DCAF8L2: variants seen among roughly 807,000 people sequenced by gnomAD.
DCAF8L2 encodes the protein DDB1- and CUL4-associated factor 8-like protein 2.
For synonymous variants in DCAF8L2, 200 were observed against 190.9 expected (o/e 1.05, Z -0.39); for missense variants, 430 against 490.7 (o/e 0.88, Z 1.17).
chrX:27,642,240 G>A (rs1279691572), intron 2 of DCAF8L2, among the ~76,000 whole-genome samples: 1 of 110,533 alleles, frequency 9.0e-6, no homozygotes, highest in Non-Finnish European at 1.9e-5. Context: ...TTCCTCCGAG[G>A]TTTGATCCTT....
At chrX:27,505,300 A>G in the DCAF8L2 span, among the ~76,000 whole-genome samples, 1 of 111,005 alleles carries the variant, frequency 9.0e-6, no homozygotes, top group Middle Eastern at 4.3e-3. Flanking sequence ...CCAATACAGA[A>G]CATATAAAAC....
At chrX:27,693,562 T>C (rs935371565) in intron 3 of DCAF8L2, among the ~76,000 whole-genome samples, 1 of 111,526 alleles carries the variant, frequency 9.0e-6, no homozygotes, top group African/African-American at 3.3e-5. Context: ...TTTTATCATA[T>C]TTTTAATAAT....
the DCAF8L2 span, among the ~76,000 whole-genome samples, chrX:27,478,749 C>T: frequency 1.8e-5 from 2 of 111,806 alleles, no homozygotes; most frequent in East Asian, 5.6e-4. Flanking sequence ...TTTTTGTTTT[C>T]TGATGAAGAG....
At chrX:27,676,190 G>T (rs145948641) in intron 2 of DCAF8L2, among the ~76,000 whole-genome samples, 2,608 of 110,954 alleles carry the variant, frequency 0.024, 39 homozygotes, top group Non-Finnish European at 0.034. Flanking sequence ...CTTTGTAGGC[G>T]TCTCATAGTA....
upstream of DCAF8L2, among the ~76,000 whole-genome samples, chrX:27,587,706 C>T (rs1007388598): frequency 7.2e-5 from 8 of 110,537 alleles, no homozygotes; most frequent in African/African-American, 2.6e-4. Flanking sequence ...AACTGACTTC[C>T]CCAAAGGGAC....
intron 2 of DCAF8L2, among the ~76,000 whole-genome samples, chrX:27,673,523 AAAG>A (rs1380650403): frequency 1.9e-5 from 2 of 107,546 alleles, no homozygotes; most frequent in African/African-American, 3.4e-5. Context: ...AAAAAAAAAA[AAAG>A]ATTTGGGGTT....
At chrX:27,556,888 G>C in the DCAF8L2 span, among the ~76,000 whole-genome samples, 1 of 112,021 alleles carries the variant, frequency 8.9e-6, no homozygotes, top group African/African-American at 3.2e-5. Flanking sequence ...GTGAGAATAG[G>C]AACAGGGATA....
At chrX:27,704,821 A>AT (rs1931287089) in intron 3 of DCAF8L2, among the ~76,000 whole-genome samples, 1 of 110,830 alleles carries the variant, frequency 9.0e-6, no homozygotes, top group Non-Finnish European at 1.9e-5. Context: ...AAATTTTTTA[A>AT]TTTTTTTATT....
Position 27,746,886 on chromosome X carries a change from A to G in DCAF8L2, c.-10A>G, listed in dbSNP as rs1472743337. ...CAGTTCCAGATCTACTACAGCAAAC[A>G]TCGTTCAAGATGTCCCACCAAGAAG... On this transcript the variant is annotated 5_prime_UTR_variant, in exon 5 of 5. Coordinates refer to ENST00000451261, the MANE Select transcript of DCAF8L2 (RefSeq NM_001353450.2). 8.4e-7 allele frequency: 1 copy of G among 1,185,119 alleles called. No individual in the cohort carries two copies. The highest frequency in any genetic ancestry group is 1.9e-5 in the South Asian group (1 of 53,725).
the DCAF8L2 span, chrX:27,519,295 C>T: frequency 3.9e-6 from 4 of 1,022,235 alleles, no homozygotes; most frequent in African/African-American, 1.9e-5. Context: ...AGAATGAAAA[C>T]GAGCAAAAGA....
At position 27,697,160 on chromosome X, in the gene DCAF8L2, T is replaced by A. The variant is rs1225914198; in HGVS notation, c.-142-18928T>A. On this transcript the variant is annotated intron_variant, in intron 3 of 4. Coordinates refer to ENST00000451261, the MANE Select transcript of DCAF8L2 (RefSeq NM_001353450.2). ...CCGCAAAGTAAACAGAGGTCATAGA[T>A]TTTCACCAGTATGATTGACAGGGAA... Among the ~76,000 whole-genome samples, 3 of 111,642 alleles carry A rather than the reference T, an allele frequency of 2.7e-5. No homozygotes were observed. In the East Asian group the frequency reaches 8.4e-4, roughly 31 times the overall value.
intron 4 of DCAF8L2, among the ~76,000 whole-genome samples, chrX:27,719,457 T>G (rs1367600407): frequency 1.0e-5 from 1 of 99,880 alleles, no homozygotes; most frequent in Non-Finnish European, 2.0e-5. Context: ...ATTTTTTTTT[T>G]TTTTTTTTTT....
At chrX:27,571,524 C>G in the DCAF8L2 span, among the ~76,000 whole-genome samples, 1 of 111,842 alleles carries the variant, frequency 8.9e-6, no homozygotes, top group Non-Finnish European at 1.9e-5. Context: ...CTGCAGCTAA[C>G]ATTTGGCCTT....
upstream of DCAF8L2, among the ~76,000 whole-genome samples, chrX:27,586,175 C>T (rs1925899427): frequency 9.0e-6 from 1 of 110,732 alleles, no homozygotes; most frequent in Admixed American, 9.7e-5. Context: ...CCCCCCACTC[C>T]AAGTAGTGAC....
chrX:27,567,467 C>A, the DCAF8L2 span, among the ~76,000 whole-genome samples: 144 of 98,612 alleles, frequency 1.5e-3, no homozygotes, highest in African/African-American at 4.9e-3. Flanking sequence ...ACCCTTGCTT[C>A]ATTATATAAT....
chrX:27,607,496 T>A (rs1244667422), intron 1 of DCAF8L2, among the ~76,000 whole-genome samples: 2 of 111,724 alleles, frequency 1.8e-5, no homozygotes, highest in South Asian at 7.6e-4. Flanking sequence ...TCATAGAGTC[T>A]TCTAAGACGG....
At chrX:27,588,705 A>C (rs1925963645), upstream of DCAF8L2, among the ~76,000 whole-genome samples, 1 of 110,999 alleles carries the variant, frequency 9.0e-6, no homozygotes, top group Non-Finnish European at 1.9e-5. Flanking sequence ...AGAAAAAGGC[A>C]TTATGAGAAG....
chrX:27,518,432 C>A, the DCAF8L2 span: 1 of 584,249 alleles, frequency 1.7e-6, no homozygotes, highest in Non-Finnish European at 2.9e-6. Flanking sequence ...ATGGTGTCAA[C>A]TATTTTGAAA....
chrX:27,629,989 T>A (rs1362870309), intron 1 of DCAF8L2, among the ~76,000 whole-genome samples: 1 of 111,820 alleles, frequency 8.9e-6, no homozygotes, highest in African/African-American at 3.2e-5. Context: ...TTTATCAATC[T>A]TTTGTAGTTT....
Sources: gnomAD v4.1 joint callset for allele counts (sites outside exome capture counted in the v4.1 genomes callset) on GRCh38, gnomAD v4.1.1 for gene constraint, MANE v1.5 for transcripts, NCBI Gene and HGNC (gene_info 2026-07-23, HGNC 2026-07-21) for gene names.